The following PSIP1 variants were observed in gnomAD, a reference collection of about 807,000 sequenced individuals.
PSIP1 encodes PC4 and SRSF1 interacting protein 1.
Under a neutral mutation model 74.7 loss-of-function variants are expected in PSIP1, and 19 were observed. That is an observed-to-expected ratio of 0.25 (90% CI 0.18 to 0.37). The LOEUF is 0.37. Among genes scored for constraint, PSIP1 ranks in the 10% least tolerant of loss-of-function variants. The pLI, the probability that PSIP1 is intolerant of heterozygous loss-of-function variation, is 1.00. For synonymous variants in PSIP1, 222 were observed against 195.3 expected (o/e 1.14, Z -1.14); for missense variants, 601 against 614.3 (o/e 0.98, Z 0.23).
At position 15,510,200 on chromosome 9, in the gene PSIP1, G is replaced by T; in HGVS notation, c.-12C>A. ...AAATCGCGAGTCATGTTTCGGGGGC[G>T]AGACCGGGGGTCCGAAGCCCGGGAG... On this transcript the variant is annotated 5_prime_UTR_variant, in exon 2 of 16. Coordinates refer to ENST00000380733, the MANE Select transcript of PSIP1 (RefSeq NM_033222.5). The T allele has an allele frequency of 6.2e-7, 1 of 1,601,172 alleles. No individual in the cohort carries two copies. The highest frequency in any genetic ancestry group is 8.5e-7 in the Non-Finnish European group (1 of 1,174,584).
intron 3 of PSIP1, chr9:15,505,058 C>T (rs1479299177): frequency 6.6e-6 from 1 of 151,370 alleles, no homozygotes; most frequent in African/African-American, 2.4e-5. Context: ...TCCACCTCAG[C>T]CTCTGGAGTA....
chr9:15,505,793 C>G (rs1481632984), intron 3 of PSIP1: 2 of 152,176 alleles, frequency 1.3e-5, no homozygotes, highest in African/African-American at 4.8e-5. Context: ...CAACTTTAAA[C>G]CAAATATTGC....
At chr9:15,483,703 A>G (rs2036434821) in intron 6 of PSIP1, among the ~76,000 whole-genome samples, 1 of 152,164 alleles carries the variant, frequency 6.6e-6, no homozygotes, top group African/African-American at 2.4e-5. Context: ...TCACTGCCCC[A>G]ATCCAATCCC....
intron 3 of PSIP1, among the ~76,000 whole-genome samples, chr9:15,495,252 A>G (rs1382176266): frequency 4.6e-5 from 7 of 152,154 alleles, no homozygotes; most frequent in Non-Finnish European, 8.8e-5. Context: ...TATGGCTCTA[A>G]GTCTAAAAGC....
chr9:15,483,282 T>C (rs574779429), intron 6 of PSIP1, among the ~76,000 whole-genome samples: 2 of 152,186 alleles, frequency 1.3e-5, no homozygotes, highest in East Asian at 3.9e-4. Context: ...CAAACCAACA[T>C]CCTCTGCACT....
rs115950213 is a variant in PSIP1, at chr9:15,485,837, C to G, written c.456+169G>C. 3.6e-3 allele frequency: 2,000 copies of G among 551,270 alleles called. 34 individuals are homozygous for G. Among genetic ancestry groups the G allele is most frequent in the African/African-American group, 0.035 (1,793 of 51,802 alleles). The allele number at this position is 551,270 out of a possible 1,614,324, so 34.1% of individuals were successfully genotyped here. On this transcript the variant is annotated intron_variant, in intron 6 of 15. Transcript: ENST00000380733. ...AAGTTACTTTAAGGGTGCTATATCA[C>G]TAAGAAAGAAACACAGATAGTTTTG... is the stretch of plus-strand genomic sequence containing the variant.
At position 15,502,512 on chromosome 9, in the gene PSIP1, G is replaced by A. The variant is rs546211022; in HGVS notation, c.149+4049C>T. On this transcript the variant is annotated intron_variant, in intron 3 of 15. Coordinates refer to ENST00000380733, the MANE Select transcript of PSIP1 (RefSeq NM_033222.5). ...CAGATTTGAACTCCTGGGATCAAGG[G>A]ATCCTCCTGCCTCAGCCTCCTGAGT... Among the ~76,000 whole-genome samples, 9 of 152,258 alleles carry A rather than the reference G, an allele frequency of 5.9e-5. No individual in the cohort carries two copies. In the South Asian group the frequency reaches 6.2e-4, roughly 11 times the overall value.
chr9:15,501,973 G>C (rs2037370676), intron 3 of PSIP1, among the ~76,000 whole-genome samples: 1 of 151,806 alleles, frequency 6.6e-6, no homozygotes, highest in South Asian at 2.1e-4. Context: ...CAGCAGGAGG[G>C]AGGCATTACC....
At position 15,486,922 on chromosome 9, in the gene PSIP1, T is replaced by C. The variant is rs200331114; in HGVS notation, c.298A>G (p.Lys100Glu). 6 of 1,606,848 alleles carry C rather than the reference T, an allele frequency of 3.7e-6. No individual in the cohort carries two copies. The South Asian group carries it at 5.5e-5, about 15-fold the overall frequency. ...ACATCAGATGATGCATTTGATTGTTTAGTTGCTGCCTGTGAGCAATCAACT... is the reference window on the plus strand; with the variant it reads ...ACATCAGATGATGCATTTGATTGTTCAGTTGCTGCCTGTGAGCAATCAACT... ...VKFSSQQAATKQSNASSDVEV... is the reference protein window; with the variant it reads ...VKFSSQQAATEQSNASSDVEV... The change falls in exon 5 of 16, where the codon AAA becomes GAA. Residue 100 changes from lysine (K) to glutamate (E), a missense_variant. Lys to Glu is a moderately conservative substitution (Grantham distance 56, BLOSUM62 1). Coordinates refer to ENST00000380733, the MANE Select transcript of PSIP1 (RefSeq NM_033222.5).
At chr9:15,498,888 A>C (rs2037205200) in intron 3 of PSIP1, among the ~76,000 whole-genome samples, 1 of 152,230 alleles carries the variant, frequency 6.6e-6, no homozygotes, top group Admixed American at 6.5e-5. Flanking sequence ...TAAAAAATGC[A>C]CAGACAAGTT....
At chr9:15,481,275 C>G (rs2036324069) in intron 6 of PSIP1, among the ~76,000 whole-genome samples, 1 of 152,200 alleles carries the variant, frequency 6.6e-6, no homozygotes, top group Admixed American at 6.6e-5. Context: ...TCTTTTCCTA[C>G]TGAGGAGTTA....
chr9:15,472,162 A>C, intron 10 of PSIP1: 1 of 985,632 alleles, frequency 1.0e-6, no homozygotes, highest in Non-Finnish European at 1.2e-6. Context: ...ACACCCTGTC[A>C]GCCTTTAGAT....
intron 3 of PSIP1, chr9:15,505,152 G>C (rs968213867): frequency 6.6e-6 from 1 of 151,960 alleles, no homozygotes; most frequent in African/African-American, 2.4e-5. Context: ...TTGCAGGCTG[G>C]TCTCCAACTC....
chr9:15,492,218 C>T (rs781252346), intron 3 of PSIP1: 3 of 152,330 alleles, frequency 2.0e-5, no homozygotes, highest in South Asian at 4.1e-4. Flanking sequence ...TCTCTTCCAC[C>T]TAGGAGCCTG....
intron 10 of PSIP1, chr9:15,472,159 G>T: frequency 1.0e-6 from 1 of 985,368 alleles, no homozygotes; most frequent in Middle Eastern, 5.2e-4. Context: ...TGTACACCCT[G>T]TCAGCCTTTA....
intron 3 of PSIP1, among the ~76,000 whole-genome samples, chr9:15,499,459 C>T (rs911156054): frequency 2.0e-5 from 3 of 152,150 alleles, no homozygotes; most frequent in African/African-American, 7.2e-5. Flanking sequence ...TCCAATTTTC[C>T]TAATGGTATA....
chr9:15,500,479 A>AG (rs2132205652), intron 3 of PSIP1, among the ~76,000 whole-genome samples: 1 of 152,192 alleles, frequency 6.6e-6, no homozygotes, highest in African/African-American at 2.4e-5. Flanking sequence ...TCCAAAAAAA[A>AG]AAGAGATGAA....
At chr9:15,474,370 T>C in intron 8 of PSIP1, 133 bp from the exon 9 acceptor site, 1 of 693,940 alleles carries the variant, frequency 1.4e-6, no homozygotes, top group Admixed American at 3.4e-5. Flanking sequence ...TATCCAATCA[T>C]AAAAGGAATT....
At chr9:15,505,629 T>C (rs2037552314) in intron 3 of PSIP1, 1 of 152,212 alleles carries the variant, frequency 6.6e-6, no homozygotes, top group South Asian at 2.1e-4. Flanking sequence ...GGGAAAGTGA[T>C]CATCAAAAGG....
Sources: allele counts gnomAD v4.1 joint callset (sites outside exome capture counted in the v4.1 genomes callset), GRCh38; gene constraint gnomAD v4.1.1; transcripts MANE v1.5; gene names NCBI Gene and HGNC (gene_info 2026-07-23, HGNC 2026-07-21).